The following PXDNL variants were observed in gnomAD, a reference collection of about 807,000 sequenced individuals.
The protein encoded by PXDNL is probable oxidoreductase PXDNL.
PXDNL carries 145 observed loss-of-function variants against 150.8 expected under a neutral mutation model. The ratio of observed to expected loss-of-function variants is 0.96; its 90% CI spans 0.84 to 1.10. PXDNL has a LOEUF of 1.10. Ranked by LOEUF, PXDNL falls within the 50% of genes least tolerant of loss-of-function variation. The pLI is 0.00. For missense variants in PXDNL, 2,087 were observed against 1,873.9 expected (o/e 1.11, Z -2.10); for synonymous variants, 757 against 725.7 (o/e 1.04, Z -0.69).
chr8:51,588,778 T>C lies in PXDNL; in HGVS notation c.308+3849A>G, dbSNP rs184123977. 2.6e-5 allele frequency among the ~76,000 whole-genome samples: 4 copies of C among 152,200 alleles called. No homozygotes were observed. The East Asian group carries it at 7.7e-4, about 29-fold the overall frequency. On this transcript the variant is annotated intron_variant, in intron 3 of 22. Coordinates refer to ENST00000356297, the MANE Select transcript of PXDNL (RefSeq NM_144651.5). ...ATGAGTAGAGAACTACAGAGCAGGATTGAGATGAAACACAGGGAGAAGGTC... is the reference window on the plus strand; with the variant it reads ...ATGAGTAGAGAACTACAGAGCAGGACTGAGATGAAACACAGGGAGAAGGTC...
At chr8:51,759,503 A>C (rs1434361505) in intron 1 of PXDNL, among the ~76,000 whole-genome samples, 1 of 152,178 alleles carries the variant, frequency 6.6e-6, no homozygotes, top group Non-Finnish European at 1.5e-5. Context: ...AGGGCCATGA[A>C]GCACTCTGAC....
chr8:51,741,588 A>G (rs1189293372), intron 1 of PXDNL, among the ~76,000 whole-genome samples: 2 of 152,238 alleles, frequency 1.3e-5, no homozygotes, highest in Non-Finnish European at 2.9e-5. Context: ...AATGTTAAGG[A>G]TTACTACATA....
At chr8:51,520,964 G>A (rs943156723) in intron 4 of PXDNL, among the ~76,000 whole-genome samples, 3 of 152,198 alleles carry the variant, frequency 2.0e-5, no homozygotes, top group Non-Finnish European at 4.4e-5. Context: ...GCTCATGACT[G>A]TAATCCCAGC....
intron 4 of PXDNL, among the ~76,000 whole-genome samples, chr8:51,533,498 T>TCCCCCC (rs1811955099): frequency 2.6e-5 from 1 of 38,916 alleles, no homozygotes; most frequent in Non-Finnish European, 5.3e-5. Flanking sequence ...CCCCTCCCCC[T>TCCCCCC]CCCCCTCCCT....
At chr8:51,657,203 G>GTACAT (rs1815169932) in intron 1 of PXDNL, among the ~76,000 whole-genome samples, 1 of 152,016 alleles carries the variant, frequency 6.6e-6, no homozygotes, top group Admixed American at 6.6e-5. Flanking sequence ...ACTCACTAAT[G>GTACAT]TACATTACAT....
At position 51,363,652 on chromosome 8, in the gene PXDNL, G is replaced by A. The variant is rs142227804; in HGVS notation, c.3901+8221C>T. The stretch of plus-strand genomic sequence containing the variant: ...GTCCATCTTTAACTACCAGGCCCAG[G>A]GCGTGGTGCTGCGCTGTATGTCTGT... On this transcript the variant is annotated intron_variant, in intron 19 of 22. Coordinates refer to ENST00000356297, the MANE Select transcript of PXDNL (RefSeq NM_144651.5). Among the ~76,000 whole-genome samples the A allele has an allele frequency of 1.4e-4, 21 of 152,268 alleles. 1 individual carries two copies. Among genetic ancestry groups the A allele is most frequent in the Middle Eastern group, 6.8e-3 (2 of 294 alleles).
At chr8:51,355,274 T>G (rs1353563859) in intron 19 of PXDNL, among the ~76,000 whole-genome samples, 1 of 152,162 alleles carries the variant, frequency 6.6e-6, no homozygotes, top group Non-Finnish European at 1.5e-5. Context: ...CTTTCATTAG[T>G]TCACAAACAT....
At chr8:51,678,731 G>C (rs191983262) in intron 1 of PXDNL, among the ~76,000 whole-genome samples, 1 of 151,968 alleles carries the variant, frequency 6.6e-6, no homozygotes, top group Admixed American at 6.6e-5. Flanking sequence ...GTGGCGGGGT[G>C]GGGGAGGGAT....
chr8:51,509,843 T>A lies in PXDNL; in HGVS notation c.381-10073A>T, dbSNP rs527563089. Among the ~76,000 whole-genome samples the A allele has an allele frequency of 2.7e-3, 404 of 151,478 alleles. 2 individuals are homozygous for A. Among genetic ancestry groups the A allele is most frequent in the African/African-American group, 9.4e-3 (387 of 41,290 alleles). Reference sequence around the variant, plus strand: ...GTGTGTGTGTATATACCGATTTAAATATTTGCCAAAAACTTGCATTATACT... The same window carrying A: ...GTGTGTGTGTATATACCGATTTAAAAATTTGCCAAAAACTTGCATTATACT... On this transcript the variant is annotated intron_variant, in intron 4 of 22. Transcript: ENST00000356297.
rs779362872 is a variant in PXDNL at position 51,644,885 on chromosome 8, G to C, written c.236+9804C>G. On this transcript the variant is annotated intron_variant, in intron 2 of 22. Transcript: ENST00000356297. ...AGACGGCCACATAGGTTATGGCGGG[G>C]ACACGGATCCATAGGTGGAAGAGAA... 7.0e-4 allele frequency among the ~76,000 whole-genome samples: 106 copies of C among 152,010 alleles called. 1 individual carries two copies. The highest frequency in any genetic ancestry group is 2.4e-3 in the Admixed American group (37 of 15,248).
At chr8:51,591,529 T>C (rs1346182904) in intron 3 of PXDNL, among the ~76,000 whole-genome samples, 1 of 152,156 alleles carries the variant, frequency 6.6e-6, no homozygotes, top group African/African-American at 2.4e-5. Context: ...TGGAATGGTG[T>C]CTTCTCTTTA....
intron 1 of PXDNL, among the ~76,000 whole-genome samples, chr8:51,727,300 C>A (rs1392219196): frequency 6.6e-6 from 1 of 152,152 alleles, no homozygotes; most frequent in Non-Finnish European, 1.5e-5. Context: ...TTTACAATTA[C>A]ATACACTCAA....
At chr8:51,500,732 G>C (rs1242761490) in intron 4 of PXDNL, among the ~76,000 whole-genome samples, 3 of 152,212 alleles carry the variant, frequency 2.0e-5, no homozygotes, top group Non-Finnish European at 4.4e-5. Context: ...AATTGGAAAA[G>C]AGGATATTGT....
chr8:51,486,075 T>C (rs908025370), intron 5 of PXDNL, among the ~76,000 whole-genome samples: 7 of 152,234 alleles, frequency 4.6e-5, no homozygotes, highest in Admixed American at 3.3e-4. Context: ...TTCTGCAAGA[T>C]AACCACAGTA....
chr8:51,571,322 T>C (rs990415206), intron 3 of PXDNL, among the ~76,000 whole-genome samples: 1 of 151,846 alleles, frequency 6.6e-6, no homozygotes, highest in African/African-American at 2.4e-5. Flanking sequence ...GCTCCAAGAA[T>C]ACAGTCATCA....
At chr8:51,377,098 T>C (rs1283080336) in intron 17 of PXDNL, among the ~76,000 whole-genome samples, 1 of 107,564 alleles carries the variant, frequency 9.3e-6, no homozygotes, top group African/African-American at 3.4e-5. Flanking sequence ...AGTGGCACTC[T>C]ACCCTTTACA....
At chr8:51,592,786 C>CA (rs1813473273) in intron 2 of PXDNL, 88 bp from the exon 3 acceptor site, 14 of 852,768 alleles carry the variant, frequency 1.6e-5, no homozygotes, top group Non-Finnish European at 2.4e-5. Flanking sequence ...TAGTGCTTTA[C>CA]ACAACAGAAA....
At position 51,738,561 on chromosome 8, in the gene PXDNL, G is replaced by GCA. The variant is rs144015105; in HGVS notation, c.164+70618_164+70619dup. Among the ~76,000 whole-genome samples the GCA allele has an allele frequency of 3.1e-3, 468 of 149,440 alleles. 3 individuals carry two copies. The highest frequency in any genetic ancestry group is 0.01 in the African/African-American group (409 of 40,690). On this transcript the variant is annotated intron_variant, in intron 1 of 22. Transcript: ENST00000356297. ...CAACTTAGCTAAACTGGAAACACAC[G>GCA]CACACACACACACACAAGATACTCT...
At chr8:51,648,768 A>C (rs969472314) in intron 2 of PXDNL, among the ~76,000 whole-genome samples, 1 of 152,250 alleles carries the variant, frequency 6.6e-6, no homozygotes, top group African/African-American at 2.4e-5. Flanking sequence ...AACATCATAC[A>C]GCTAATGAAA....
Sources: allele counts gnomAD v4.1 joint callset (sites outside exome capture counted in the v4.1 genomes callset), GRCh38; gene constraint gnomAD v4.1.1; transcripts MANE v1.5; gene names NCBI Gene and HGNC (gene_info 2026-07-23, HGNC 2026-07-21).